The following CSMD3 variants were observed in gnomAD, a reference collection of about 807,000 sequenced individuals.
CSMD3 encodes the protein CUB and Sushi multiple domains 3.
A neutral mutation model predicts 435.2 loss-of-function variants in CSMD3; 177 were observed. The ratio of observed to expected loss-of-function variants is 0.41; its 90% CI spans 0.36 to 0.46. The LOEUF is 0.46. CSMD3 is among the 20% of genes least tolerant of loss of function. CSMD3 has a pLI of 0.34. For synonymous variants in CSMD3, 1,656 were observed against 1,520.5 expected, an observed-to-expected ratio of 1.09 and a Z score of -2.07; for missense variants, 4,265 against 4,504.6, an observed-to-expected ratio of 0.95 and a Z score of 1.52.
At chr8:112,868,157 CT>C (rs2081036829) in intron 10 of CSMD3, among the ~76,000 whole-genome samples, 1 of 152,074 alleles carries the variant, frequency 6.6e-6, no homozygotes, top group South Asian at 2.1e-4. Context: ...ATCAGTAGCA[CT>C]GTCTTTTTTC....
At chr8:113,135,204 C>A (rs1377276395) in intron 4 of CSMD3, among the ~76,000 whole-genome samples, 2 of 152,028 alleles carry the variant, frequency 1.3e-5, no homozygotes, top group Middle Eastern at 3.4e-3. Context: ...TTATAATTTC[C>A]ACACTAACTT....
At chr8:112,811,064 T>C (rs559041367) in intron 12 of CSMD3, among the ~76,000 whole-genome samples, 4 of 152,042 alleles carry the variant, frequency 2.6e-5, no homozygotes, top group Non-Finnish European at 5.9e-5. Context: ...AGGCTAATAA[T>C]ACAATAAATT....
chr8:112,309,830 G>C (rs1821795301), intron 50 of CSMD3, among the ~76,000 whole-genome samples: 1 of 152,010 alleles, frequency 6.6e-6, no homozygotes, highest in Admixed American at 6.6e-5. Context: ...CAAGTGCCTG[G>C]TAATACCTAT....
chr8:112,299,894 A>G (rs1222379970), intron 53 of CSMD3, among the ~76,000 whole-genome samples: 2 of 151,824 alleles, frequency 1.3e-5, no homozygotes, highest in African/African-American at 4.8e-5. Flanking sequence ...ATTTTCTTAT[A>G]AATATTCCTG....
chr8:112,975,753 T>C, intron 7 of CSMD3, 84 bp downstream of exon 7: 5 of 1,604,434 alleles, frequency 3.1e-6, no homozygotes, highest in Non-Finnish European at 4.3e-6. Context: ...TGGCTCTCTT[T>C]CAGCTCATTC....
intron 32 of CSMD3, among the ~76,000 whole-genome samples, chr8:112,437,286 T>C (rs115075606): frequency 0.02 from 2,982 of 152,230 alleles, 90 homozygotes; most frequent in African/African-American, 0.068. Flanking sequence ...TTTAATATCA[T>C]TTCCAACAAG....
At chr8:112,847,904 T>C (rs1407704581) in intron 11 of CSMD3, among the ~76,000 whole-genome samples, 1 of 152,126 alleles carries the variant, frequency 6.6e-6, no homozygotes, top group Non-Finnish European at 1.5e-5. Flanking sequence ...AGAAAAAACA[T>C]GGGCTTAAAT....
At chr8:112,482,793 C>T (rs900556785) in intron 31 of CSMD3, among the ~76,000 whole-genome samples, 1 of 152,144 alleles carries the variant, frequency 6.6e-6, no homozygotes, top group African/African-American at 2.4e-5. Flanking sequence ...TCTACCAAAT[C>T]GCCTCAAAAA....
rs905031102 is a variant in CSMD3 at position 112,818,040 on chromosome 8, A to AT, written c.1859+11645dup. Among the ~76,000 whole-genome samples the AT allele has an allele frequency of 4.7e-3, 698 of 148,972 alleles. 2 individuals are homozygous for AT. Among genetic ancestry groups the AT allele is most frequent in the African/African-American group, 0.013 (530 of 40,844 alleles). ...AATATTTTTTTATGCTTTGTAACTG[A>AT]TTTTTTTTTTGCAGGAGTATTTTAG... On this transcript the variant is annotated intron_variant, in intron 12 of 70. Transcript: ENST00000297405.
At chr8:112,492,826 A>C (rs553954373) in intron 30 of CSMD3, 143 bp from the exon 31 acceptor site, 11 of 715,310 alleles carry the variant, frequency 1.5e-5, no homozygotes, top group Non-Finnish European at 2.7e-5. Flanking sequence ...ATATATACAG[A>C]CTTTTTTTGT....
intron 32 of CSMD3, among the ~76,000 whole-genome samples, chr8:112,441,693 A>C (rs1563949947): frequency 6.6e-6 from 1 of 152,174 alleles, no homozygotes; most frequent in Non-Finnish European, 1.5e-5. Flanking sequence ...CCTTCTTCAC[A>C]AGATAGTAAG....
chr8:112,623,529 T>C (rs67092652), intron 22 of CSMD3, among the ~76,000 whole-genome samples: 36,480 of 151,920 alleles, frequency 0.24, 4,728 homozygotes, highest in African/African-American at 0.33. Context: ...ATTTTTTTTA[T>C]TATACTTTAA....
chr8:113,361,111 C>T (rs887225899), intron 1 of CSMD3, among the ~76,000 whole-genome samples: 3 of 152,088 alleles, frequency 2.0e-5, no homozygotes, highest in Non-Finnish European at 4.4e-5. Context: ...CTGAAAAGCT[C>T]CATCTGCTGG....
intron 3 of CSMD3, among the ~76,000 whole-genome samples, chr8:113,238,010 G>C (rs1343636932): frequency 6.6e-6 from 1 of 150,620 alleles, no homozygotes; most frequent in East Asian, 2.0e-4. Context: ...AGGAGGTGGA[G>C]GTTGCAGTGA....
chr8:112,504,197 CAT>C (rs1822280070), intron 29 of CSMD3, among the ~76,000 whole-genome samples: 1 of 151,878 alleles, frequency 6.6e-6, no homozygotes, highest in African/African-American at 2.4e-5. Context: ...GATATTTTTA[CAT>C]ATTTTTTAAG....
intron 13 of CSMD3, among the ~76,000 whole-genome samples, chr8:112,789,898 T>C (rs1273823432): frequency 1.3e-5 from 2 of 151,990 alleles, no homozygotes; most frequent in East Asian, 1.9e-4. Context: ...TGCATGGGAA[T>C]ATTGGGGAAT....
intron 69 of CSMD3, 47 bp downstream of exon 69, chr8:112,231,498 T>C (rs757814053): frequency 8.9e-6 from 10 of 1,129,934 alleles, no homozygotes; most frequent in Non-Finnish European, 1.4e-5. Flanking sequence ...TTTTATGATG[T>C]CTGGGATAAT....
chr8:112,552,944 C>T (rs994665716), intron 25 of CSMD3, among the ~76,000 whole-genome samples: 1 of 152,068 alleles, frequency 6.6e-6, no homozygotes, highest in African/African-American at 2.4e-5. Context: ...CTGAAACCTA[C>T]TTAAAGAATT....
At chr8:113,247,544 T>C (rs1195166961) in intron 3 of CSMD3, among the ~76,000 whole-genome samples, 1 of 152,098 alleles carries the variant, frequency 6.6e-6, no homozygotes, top group Non-Finnish European at 1.5e-5. Flanking sequence ...ACACACCAGA[T>C]TGTTGAAAGT....
Sources: allele counts gnomAD v4.1 joint callset (sites outside exome capture counted in the v4.1 genomes callset), GRCh38; gene constraint gnomAD v4.1.1; transcripts MANE v1.5; gene names NCBI Gene and HGNC (gene_info 2026-07-23, HGNC 2026-07-21).